Variants in CLVS1 observed in about 807,000 individuals in gnomAD.
The protein encoded by CLVS1 is clavesin 1, also known as clavesin-1.
CLVS1 carries 10 observed loss-of-function variants against 33.1 expected under a neutral mutation model. That is an observed-to-expected ratio of 0.30 (90% CI 0.19 to 0.51). The LOEUF (loss-of-function observed/expected upper bound fraction) is 0.51. Ranked by LOEUF, CLVS1 falls within the 20% of genes least tolerant of loss-of-function variation. CLVS1 has a pLI of 0.97. For synonymous variants in CLVS1, 163 were observed against 166.1 expected (o/e 0.98, Z 0.14); for missense variants, 343 against 433.4 (o/e 0.79, Z 1.85).
At chr8:61,469,667 A>T (rs996835732) in intron 5 of CLVS1, among the ~76,000 whole-genome samples, 3 of 152,230 alleles carry the variant, frequency 2.0e-5, no homozygotes, top group African/African-American at 7.2e-5. Flanking sequence ...GTAATACATC[A>T]TCATGAAATA....
chr8:61,312,947 A>C (rs1383049333), intron 2 of CLVS1, among the ~76,000 whole-genome samples: 2 of 152,316 alleles, frequency 1.3e-5, no homozygotes, highest in South Asian at 4.1e-4. Flanking sequence ...TCTCTTTGCC[A>C]TACATTTTGG....
intron 3 of CLVS1, among the ~76,000 whole-genome samples, chr8:61,422,550 A>G (rs1388695536): frequency 6.6e-6 from 1 of 152,206 alleles, no homozygotes; most frequent in South Asian, 2.1e-4. Flanking sequence ...ATTTTGTCCA[A>G]TTGCTTCAGC....
chr8:61,325,951 C>A (rs1263797003), intron 2 of CLVS1, among the ~76,000 whole-genome samples: 2 of 152,308 alleles, frequency 1.3e-5, no homozygotes, highest in Middle Eastern at 3.4e-3. Flanking sequence ...TGCCGATCCA[C>A]AAGTTTATTA....
rs1804749216 is a variant in CLVS1, at chr8:61,500,848, T to TTAA, written c.*1308_*1310dup. 1 of 152,106 alleles carries TTAA rather than the reference T, an allele frequency of 6.6e-6. No individual in the cohort carries two copies. Among genetic ancestry groups the TTAA allele is most frequent in the Admixed American group, 6.5e-5 (1 of 15,270 alleles). 9.4% of individuals were successfully genotyped at this position (152,106 alleles called of 1,614,324 possible). On this transcript the variant is annotated 3_prime_UTR_variant, in exon 6 of 6. Transcript: ENST00000325897. ...ACATTATTTTAAATATTTGGGAGAG[T>TTAA]TAATTTGTTAGCTAAATAATTCAAG...
chr8:61,267,403 T>G (rs1809332440), intron 2 of CLVS1, among the ~76,000 whole-genome samples: 1 of 152,208 alleles, frequency 6.6e-6, no homozygotes, highest in African/African-American at 2.4e-5. Flanking sequence ...TAGAATAAAA[T>G]AAGCCATAAA....
chr8:61,076,983 T>C (rs1804924563), intron 1 of CLVS1, among the ~76,000 whole-genome samples: 1 of 152,238 alleles, frequency 6.6e-6, no homozygotes, highest in South Asian at 2.1e-4. Context: ...GGCTTTGTTC[T>C]GAGAATGGGA....
At chr8:61,126,632 A>G (rs1198650164) in intron 1 of CLVS1, among the ~76,000 whole-genome samples, 2 of 152,232 alleles carry the variant, frequency 1.3e-5, no homozygotes, top group Non-Finnish European at 2.9e-5. Flanking sequence ...ACCCAACTCA[A>G]ACTACCTTAA....
At chr8:61,389,545 A>C (rs1409298358) in intron 3 of CLVS1, among the ~76,000 whole-genome samples, 1 of 152,122 alleles carries the variant, frequency 6.6e-6, no homozygotes, top group Non-Finnish European at 1.5e-5. Context: ...AAAAGGAAAA[A>C]AAAAAAGACA....
chr8:61,033,122 G>GGAAGGAAGC, the CLVS1 span, among the ~76,000 whole-genome samples: 6 of 21,164 alleles, frequency 2.8e-4, no homozygotes, highest in East Asian at 9.8e-3. Flanking sequence ...AAGGAAGGAA[G>GGAAGGAAGC]AAAGGAAAGA....
intron 3 of CLVS1, among the ~76,000 whole-genome samples, chr8:61,387,316 G>A (rs1219524833): frequency 6.6e-6 from 1 of 152,100 alleles, no homozygotes; most frequent in Non-Finnish European, 1.5e-5. Context: ...GAACCCGGGA[G>A]ATGGTGGTTG....
intron 2 of CLVS1, among the ~76,000 whole-genome samples, chr8:61,227,943 G>A (rs1327785946): frequency 6.6e-6 from 1 of 152,162 alleles, no homozygotes; most frequent in Non-Finnish European, 1.5e-5. Context: ...CTGGTGTGAA[G>A]AGGAAGTGTT....
chr8:61,061,870 G>A (rs1032039090), intron 1 of CLVS1, among the ~76,000 whole-genome samples: 2 of 151,780 alleles, frequency 1.3e-5, no homozygotes, highest in Non-Finnish European at 2.9e-5. Flanking sequence ...GCTCCATTCA[G>A]GGCTCCAGCA....
At chr8:61,001,340 A>G in the CLVS1 span, among the ~76,000 whole-genome samples, 28 of 152,186 alleles carry the variant, frequency 1.8e-4, no homozygotes, top group Non-Finnish European at 3.2e-4. Flanking sequence ...ATTTCAAAAC[A>G]CAATCCACAT....
rs1814802934 is a variant in CLVS1 at position 61,402,348 on chromosome 8, C to T, written c.630+25569C>T. Among the ~76,000 whole-genome samples the T allele has an allele frequency of 2.6e-5, 4 of 152,166 alleles. No homozygotes were observed. In the South Asian group the frequency reaches 8.3e-4, roughly 32 times the overall value. ...TGTCTCTATTCCTGGAAATAATGCT[C>T]TATGACATATCTTCCTAGGGATCCT... On this transcript the variant is annotated intron_variant, in intron 3 of 5. Coordinates refer to ENST00000325897, the MANE Select transcript of CLVS1 (RefSeq NM_173519.3).
intron 2 of CLVS1, among the ~76,000 whole-genome samples, chr8:61,260,047 C>A (rs1809167484): frequency 6.6e-6 from 1 of 152,172 alleles, no homozygotes; most frequent in Non-Finnish European, 1.5e-5. Context: ...TATCTGATTT[C>A]TCCCCCTTTG....
intron 2 of CLVS1, among the ~76,000 whole-genome samples, chr8:61,215,540 T>A (rs926843522): frequency 6.6e-6 from 1 of 151,982 alleles, no homozygotes; most frequent in African/African-American, 2.4e-5. Flanking sequence ...TTTTTTACTA[T>A]GATTATGGAG....
At chr8:61,113,720 C>T (rs1805669246) in intron 1 of CLVS1, among the ~76,000 whole-genome samples, 1 of 152,210 alleles carries the variant, frequency 6.6e-6, no homozygotes, top group Non-Finnish European at 1.5e-5. Flanking sequence ...CTGACACCCG[C>T]CCATCAGTCC....
intron 1 of CLVS1, among the ~76,000 whole-genome samples, chr8:61,072,292 C>T (rs1804810863): frequency 6.6e-6 from 1 of 152,132 alleles, no homozygotes; most frequent in Non-Finnish European, 1.5e-5. Context: ...AATCTTATCC[C>T]CTTATAGAGC....
chr8:61,109,053 A>G (rs926257281), intron 1 of CLVS1, among the ~76,000 whole-genome samples: 1 of 152,144 alleles, frequency 6.6e-6, no homozygotes, highest in Non-Finnish European at 1.5e-5. Context: ...AGTTTCTCAC[A>G]CTTGACTAAA....
Sources: gnomAD v4.1 joint callset for allele counts (sites outside exome capture counted in the v4.1 genomes callset) on GRCh38, gnomAD v4.1.1 for gene constraint, MANE v1.5 for transcripts, NCBI Gene and HGNC (gene_info 2026-07-23, HGNC 2026-07-21) for gene names.